FAM13A: variants seen among roughly 807,000 people sequenced by gnomAD.
The protein encoded by FAM13A is protein FAM13A.
FAM13A carries 76 observed loss-of-function variants against 129.6 expected under a neutral mutation model. That is an observed-to-expected ratio of 0.59 (90% confidence interval 0.49 to 0.71). FAM13A has a LOEUF of 0.71. Ranked by LOEUF, FAM13A falls within the 30% of genes least tolerant of loss-of-function variation. FAM13A has a pLI of 0.00. For missense variants in FAM13A, 1,108 were observed against 1,249.3 expected (o/e 0.89, Z 1.70); for synonymous variants, 443 against 449.9 (o/e 0.98, Z 0.20).
intron 7 of FAM13A, among the ~76,000 whole-genome samples, chr4:88,850,798 T>A (rs182698325): frequency 6.6e-6 from 1 of 152,208 alleles, no homozygotes; most frequent in Non-Finnish European, 1.5e-5. Flanking sequence ...GTTGATTAAA[T>A]CACTTGTTTT....
intron 6 of FAM13A, among the ~76,000 whole-genome samples, chr4:88,851,676 T>C (rs908945207): frequency 4.6e-5 from 7 of 152,204 alleles, no homozygotes; most frequent in African/African-American, 1.7e-4. Flanking sequence ...TGGTTTCTAT[T>C]GTAGCCCTCT....
intron 6 of FAM13A, among the ~76,000 whole-genome samples, chr4:88,874,201 C>G (rs188364392): frequency 1.4e-4 from 21 of 152,304 alleles, no homozygotes; most frequent in African/African-American, 5.1e-4. Context: ...TGGGCAAAAT[C>G]TGGAAGCATT....
At chr4:89,002,423 T>C (rs1021945873) in intron 3 of FAM13A, among the ~76,000 whole-genome samples, 10 of 152,172 alleles carry the variant, frequency 6.6e-5, no homozygotes, top group African/African-American at 2.4e-4. Context: ...AGAAACACAT[T>C]TGAAAATGTG....
At chr4:88,901,761 C>A (rs1305196212) in intron 6 of FAM13A, among the ~76,000 whole-genome samples, 4 of 151,882 alleles carry the variant, frequency 2.6e-5, no homozygotes, top group East Asian at 3.9e-4. Flanking sequence ...CAGAGTGGAA[C>A]TGAAGGAGGT....
At chr4:89,016,720 G>A (rs971278301) in intron 3 of FAM13A, among the ~76,000 whole-genome samples, 4 of 152,036 alleles carry the variant, frequency 2.6e-5, no homozygotes, top group African/African-American at 7.2e-5. Flanking sequence ...CTGCAGCCTT[G>A]ACTTTCTAGG....
At chr4:89,018,367 A>G (rs1314672721) in intron 3 of FAM13A, among the ~76,000 whole-genome samples, 1 of 152,248 alleles carries the variant, frequency 6.6e-6, no homozygotes, top group African/African-American at 2.4e-5. Flanking sequence ...GGAGAAACCA[A>G]CACTGCTGGC....
At chr4:88,996,634 T>C (rs1560716436) in intron 3 of FAM13A, among the ~76,000 whole-genome samples, 1 of 152,060 alleles carries the variant, frequency 6.6e-6, no homozygotes, top group Non-Finnish European at 1.5e-5. Context: ...GCAATAAATA[T>C]AGTAACAGGG....
chr4:88,737,310 C>T (rs914174040), intron 21 of FAM13A, among the ~76,000 whole-genome samples, 162 bp downstream of exon 21: 3 of 152,050 alleles, frequency 2.0e-5, no homozygotes, highest in Non-Finnish European at 4.4e-5. Flanking sequence ...TTTAGAGGAA[C>T]TGTTCAAAGT....
intron 21 of FAM13A, among the ~76,000 whole-genome samples, chr4:88,733,639 G>A (rs1407879529): frequency 1.3e-5 from 2 of 152,190 alleles, no homozygotes; most frequent in Non-Finnish European, 2.9e-5. Flanking sequence ...CAGGGTAGAA[G>A]TATCTGACCA....
chr4:88,978,017 TG>T (rs1220656573), intron 4 of FAM13A, among the ~76,000 whole-genome samples: 1 of 152,224 alleles, frequency 6.6e-6, no homozygotes, highest in Non-Finnish European at 1.5e-5. Flanking sequence ...ACTCTAAGAC[TG>T]TATTATATAA....
At chr4:88,876,010 A>T (rs1017123002) in intron 6 of FAM13A, among the ~76,000 whole-genome samples, 1 of 152,220 alleles carries the variant, frequency 6.6e-6, no homozygotes, top group African/African-American at 2.4e-5. Flanking sequence ...ATGAAGCTGG[A>T]AACCATCATT....
At chr4:88,823,744 A>G (rs1473435627) in intron 7 of FAM13A, among the ~76,000 whole-genome samples, 1 of 152,126 alleles carries the variant, frequency 6.6e-6, no homozygotes, top group Non-Finnish European at 1.5e-5. Context: ...CCCTACCCAC[A>G]TGTATTTCCT....
At chr4:88,762,624 G>A (rs1167441458) in intron 13 of FAM13A, among the ~76,000 whole-genome samples, 2 of 152,018 alleles carry the variant, frequency 1.3e-5, no homozygotes, top group South Asian at 4.1e-4. Flanking sequence ...TATGTCCTAT[G>A]GCCCATGGTG....
intron 3 of FAM13A, among the ~76,000 whole-genome samples, chr4:89,014,970 G>A (rs111535648): frequency 0.11 from 16,022 of 152,182 alleles, 916 homozygotes; most frequent in African/African-American, 0.14. Context: ...GAGAAATATC[G>A]CTGAATTCTT....
chr4:88,807,269 C>A (rs1728745872), intron 7 of FAM13A, among the ~76,000 whole-genome samples: 1 of 152,176 alleles, frequency 6.6e-6, no homozygotes, highest in Admixed American at 6.6e-5. Context: ...TTGTGTGTGT[C>A]TGTGTGCTAA....
chr4:89,025,247 T>TTTTTTTTG (rs1767790905), intron 2 of FAM13A, among the ~76,000 whole-genome samples: 6 of 42,686 alleles, frequency 1.4e-4, no homozygotes, highest in Admixed American at 8.6e-4. Flanking sequence ...GAATCATTGT[T>TTTTTTTTG]TTTTTTTTTT....
intron 6 of FAM13A, among the ~76,000 whole-genome samples, chr4:88,868,529 C>A (rs1292558375): frequency 6.6e-6 from 1 of 152,198 alleles, no homozygotes; most frequent in Non-Finnish European, 1.5e-5. Context: ...CAGGGGTGAT[C>A]TGATCTTATC....
intron 21 of FAM13A, among the ~76,000 whole-genome samples, chr4:88,735,718 C>G (rs553424575): frequency 6.6e-6 from 1 of 152,292 alleles, no homozygotes; most frequent in South Asian, 2.1e-4. Context: ...CAAATACTTT[C>G]TAATAGGCCT....
chr4:88,849,534 A>T (rs530079506), intron 7 of FAM13A, among the ~76,000 whole-genome samples: 2 of 152,306 alleles, frequency 1.3e-5, no homozygotes, highest in East Asian at 3.9e-4. Flanking sequence ...TCTCAGAACA[A>T]ACTTTCCCTG....
Sources: gnomAD v4.1 joint callset for allele counts (sites outside exome capture counted in the v4.1 genomes callset) on GRCh38, gnomAD v4.1.1 for gene constraint, MANE v1.5 for transcripts, NCBI Gene and HGNC (gene_info 2026-07-23, HGNC 2026-07-21) for gene names.